The following ABI2 variants were observed in gnomAD, a reference collection of about 807,000 sequenced individuals.
The protein encoded by ABI2 is abelson interactor 2.
Under a neutral mutation model 59.2 loss-of-function variants are expected in ABI2, and 25 were observed. That is an observed-to-expected ratio of 0.42 (90% CI 0.31 to 0.59). The LOEUF is 0.59. Ranked by LOEUF, ABI2 falls within the 20% of genes least tolerant of loss-of-function variation. The pLI, the probability that ABI2 is intolerant of heterozygous loss-of-function variation, is 0.14. For synonymous variants in ABI2, 213 were observed against 235.5 expected (o/e 0.90, Z 0.87); for missense variants, 545 against 681.8 (o/e 0.80, Z 2.23).
At chr2:203,400,009 A>G (rs1000851486) in intron 8 of ABI2, among the ~76,000 whole-genome samples, 21 of 147,794 alleles carry the variant, frequency 1.4e-4, no homozygotes, top group African/African-American at 5.2e-4. Context: ...CGCTAGGTTT[A>G]TGATAATTAG....
chr2:203,357,047 T>C (rs1292923444), intron 1 of ABI2, among the ~76,000 whole-genome samples: 2 of 50,852 alleles, frequency 3.9e-5, no homozygotes, highest in Non-Finnish European at 1.5e-4. Flanking sequence ...TTTAAAATTT[T>C]TGTCTGTTTT....
chr2:203,382,748 G>A (rs1046438965), intron 4 of ABI2, among the ~76,000 whole-genome samples: 1 of 151,362 alleles, frequency 6.6e-6, no homozygotes, highest in Admixed American at 6.6e-5. Flanking sequence ...TCAGTGACAC[G>A]GGTTTTTTTT....
At chr2:203,399,536 A>G (rs1021488278) in intron 8 of ABI2, among the ~76,000 whole-genome samples, 1 of 151,884 alleles carries the variant, frequency 6.6e-6, no homozygotes, top group African/African-American at 2.4e-5. Flanking sequence ...GGGCGGGCGG[A>G]CAGAGTTTCA....
rs192653386 is a variant in ABI2, at chr2:203,361,015, A to G, written c.118-5862A>G. Among the ~76,000 whole-genome samples the G allele has an allele frequency of 7.2e-5, 11 of 152,352 alleles. No individual in the cohort carries two copies. In the East Asian group the frequency reaches 1.7e-3, roughly 24 times the overall value. On this transcript the variant is annotated intron_variant, in intron 1 of 11. Transcript: ENST00000261018. ...GGAGAAGCGTGGCCTCAGCATGAGCACTAGCTCCACAGGTGTGGCTGATGG... is the reference window on the plus strand; with the variant it reads ...GGAGAAGCGTGGCCTCAGCATGAGCGCTAGCTCCACAGGTGTGGCTGATGG...
At chr2:203,417,171 TAA>T in intron 11 of ABI2, 90 bp downstream of exon 11, 1 of 1,155,234 alleles carries the variant, frequency 8.7e-7, no homozygotes, top group Non-Finnish European at 1.2e-6. Flanking sequence ...TATTTTCTAC[TAA>T]GTGAAGTTCT....
rs1004434731 is a variant in ABI2 at position 203,390,881 on chromosome 2, T to C, written c.481-165T>C. Among the ~76,000 whole-genome samples the C allele has an allele frequency of 2.0e-5, 3 of 152,220 alleles. No individual in the cohort carries two copies. The South Asian group carries it at 6.2e-4, about 32-fold the overall frequency. ...AGGAAGAGTCCTTTGAGTACAACTG[T>C]AGAGTAATAGTAGAGTAGAGATTGC... On this transcript the variant is annotated intron_variant, in intron 4 of 11. Transcript: ENST00000261018.
At chr2:203,415,434 G>C (rs2097851392) in intron 10 of ABI2, among the ~76,000 whole-genome samples, 1 of 151,870 alleles carries the variant, frequency 6.6e-6, no homozygotes, top group Non-Finnish European at 1.5e-5. Flanking sequence ...TGGCTAACAC[G>C]GTGAAACCCC....
At chr2:203,395,556 C>G in intron 6 of ABI2, 100 bp from the exon 7 acceptor site, 5 of 1,291,232 alleles carry the variant, frequency 3.9e-6, no homozygotes, top group Non-Finnish European at 5.2e-6. Flanking sequence ...TTTTGAATTA[C>G]CTTTATTGTA....
intron 11 of ABI2, among the ~76,000 whole-genome samples, chr2:203,421,961 T>A: frequency 1.1e-5 from 1 of 89,140 alleles, no homozygotes; most frequent in African/African-American, 4.9e-5. Flanking sequence ...TGAGACTCTG[T>A]CTCAAAAAAA....
chr2:203,377,469 A>T (rs1435813897), intron 2 of ABI2, among the ~76,000 whole-genome samples: 1 of 152,166 alleles, frequency 6.6e-6, no homozygotes, highest in South Asian at 2.1e-4. Context: ...TGTCTTGAGG[A>T]TTGTGTTATC....
At chr2:203,398,753 T>C (rs1027922090) in intron 8 of ABI2, among the ~76,000 whole-genome samples, 1 of 152,192 alleles carries the variant, frequency 6.6e-6, no homozygotes, top group African/African-American at 2.4e-5. Context: ...TGATGTGTTT[T>C]TTTTCTCTAA....
rs755172782 is a variant in ABI2 at position 203,427,378 on chromosome 2, A to C, written c.*26A>C. On this transcript the variant is annotated 3_prime_UTR_variant, in exon 12 of 12. Transcript: ENST00000261018. Reference sequence around the variant, plus strand: ...AGCTCAGCAGGGCTGTGCTTGCCTCACAGGAATAGTCAGGTCTTCCCAGAT... The same window carrying C: ...AGCTCAGCAGGGCTGTGCTTGCCTCCCAGGAATAGTCAGGTCTTCCCAGAT... 5.6e-6 allele frequency: 9 copies of C among 1,598,204 alleles called. No individual in the cohort carries two copies. In the African/African-American group the frequency reaches 1.2e-4, roughly 21 times the overall value.
chr2:203,387,965 C>A (rs1369883714), intron 4 of ABI2, among the ~76,000 whole-genome samples: 1 of 152,034 alleles, frequency 6.6e-6, no homozygotes, highest in Non-Finnish European at 1.5e-5. Flanking sequence ...TTTTTAGGAT[C>A]AATCATGATG....
intron 1 of ABI2, among the ~76,000 whole-genome samples, chr2:203,352,066 A>C (rs1290540799): frequency 6.6e-6 from 1 of 152,168 alleles, no homozygotes; most frequent in Admixed American, 6.6e-5. Context: ...AGAAGAGCAA[A>C]GGCAGAAGAC....
At chr2:203,365,092 A>T (rs2094217417) in intron 1 of ABI2, among the ~76,000 whole-genome samples, 1 of 152,226 alleles carries the variant, frequency 6.6e-6, no homozygotes, top group Admixed American at 6.5e-5. Flanking sequence ...TTAAAAAAAA[A>T]TTAAGCCATA....
intron 1 of ABI2, among the ~76,000 whole-genome samples, chr2:203,346,135 G>T (rs1396322067): frequency 6.6e-6 from 1 of 150,982 alleles, no homozygotes; most frequent in Non-Finnish European, 1.5e-5. Flanking sequence ...GGTGACAAGA[G>T]TGAAACTCCA....
intron 2 of ABI2, among the ~76,000 whole-genome samples, chr2:203,370,988 T>C (rs1300894629): frequency 6.6e-6 from 1 of 152,218 alleles, no homozygotes; most frequent in Non-Finnish European, 1.5e-5. Context: ...AACGCTGAGT[T>C]GGCCTGAAAA....
chr2:203,415,279 GGT>G (rs1438613867), intron 10 of ABI2, among the ~76,000 whole-genome samples: 1 of 152,140 alleles, frequency 6.6e-6, no homozygotes, highest in Non-Finnish European at 1.5e-5. Context: ...AAGACAGCAT[GGT>G]GTTGATGTGG....
chr2:203,418,844 A>G lies in ABI2; in HGVS notation c.1453+1763A>G, dbSNP rs544710425. Among the ~76,000 whole-genome samples the G allele has an allele frequency of 3.9e-5, 6 of 152,380 alleles. No homozygotes were observed. In the East Asian group the frequency reaches 1.2e-3, roughly 29 times the overall value. The stretch of plus-strand genomic sequence containing the variant: ...TAAACTCACAGATCCAAGAAGTTCA[A>G]TAAACCCCAAATAGAAGAAAAGAAA... On this transcript the variant is annotated intron_variant, in intron 11 of 11. Coordinates refer to ENST00000261018, the MANE Select transcript of ABI2 (RefSeq NM_001375670.1).
Sources: allele counts gnomAD v4.1 joint callset (sites outside exome capture counted in the v4.1 genomes callset), GRCh38; gene constraint gnomAD v4.1.1; transcripts MANE v1.5; gene names NCBI Gene and HGNC (gene_info 2026-07-23, HGNC 2026-07-21).